MACROD2: variants seen among roughly 807,000 people sequenced by gnomAD.
The protein encoded by MACROD2 is ADP-ribose glycohydrolase MACROD2.
A neutral mutation model predicts 70.4 loss-of-function variants in MACROD2; 36 were observed. That is an observed-to-expected ratio of 0.51 (90% CI 0.39 to 0.68). MACROD2 has a LOEUF of 0.68. MACROD2 is among the 30% of genes least tolerant of loss of function. The pLI is 0.00. For missense variants in MACROD2, 496 were observed against 538.4 expected, an observed-to-expected ratio of 0.92 and a Z score of 0.78; for synonymous variants, 172 against 178.8, an observed-to-expected ratio of 0.96 and a Z score of 0.30.
At chr20:15,674,836 T>G (rs1347018157) in intron 8 of MACROD2, among the ~76,000 whole-genome samples, 1 of 152,162 alleles carries the variant, frequency 6.6e-6, no homozygotes, top group Non-Finnish European at 1.5e-5. Context: ...ATGTATGCAT[T>G]ATTTTTCTCC....
At chr20:15,306,499 A>G (rs1380437467) in intron 6 of MACROD2, among the ~76,000 whole-genome samples, 1 of 152,174 alleles carries the variant, frequency 6.6e-6, no homozygotes, top group Non-Finnish European at 1.5e-5. Flanking sequence ...TGCCCAAAGT[A>G]TCATAGGTGT....
intron 16 of MACROD2, among the ~76,000 whole-genome samples, chr20:16,041,717 T>C (rs1369972921): frequency 2.6e-5 from 4 of 152,014 alleles, no homozygotes; most frequent in Non-Finnish European, 5.9e-5. Flanking sequence ...TTCACTCCAC[T>C]GTATCACATC....
chr20:14,974,979 C>T (rs988190775), intron 5 of MACROD2, among the ~76,000 whole-genome samples: 6 of 152,094 alleles, frequency 3.9e-5, no homozygotes, highest in African/African-American at 4.8e-5. Context: ...AGTTACTTTA[C>T]CTTGGCACTA....
chr20:14,583,544 A>G (rs534957720), intron 4 of MACROD2, among the ~76,000 whole-genome samples: 2 of 152,222 alleles, frequency 1.3e-5, no homozygotes, highest in African/African-American at 4.8e-5. Flanking sequence ...CTCCCAAATA[A>G]ACAACTGATG....
chr20:14,579,127 CTTTTTT>C (rs71190141), intron 4 of MACROD2, among the ~76,000 whole-genome samples: 1 of 74,352 alleles, frequency 1.3e-5, no homozygotes, highest in African/African-American at 5.5e-5. Flanking sequence ...GTATCCAATT[CTTTTTT>C]TTTTTTTTTT....
intron 3 of MACROD2, among the ~76,000 whole-genome samples, chr20:14,409,745 A>C (rs1459452890): frequency 2.0e-5 from 3 of 152,124 alleles, no homozygotes; most frequent in Non-Finnish European, 4.4e-5. Context: ...ATGGCTATAA[A>C]CGTGAGGCTT....
intron 5 of MACROD2, among the ~76,000 whole-genome samples, chr20:15,153,076 C>T (rs1282197024): frequency 2.0e-5 from 3 of 152,044 alleles, no homozygotes; most frequent in Admixed American, 2.0e-4. Context: ...GGATCTTTCT[C>T]ATGGAGCAAA....
At chr20:14,335,433 T>C (rs2082918791) in intron 3 of MACROD2, among the ~76,000 whole-genome samples, 1 of 152,224 alleles carries the variant, frequency 6.6e-6, no homozygotes, top group Non-Finnish European at 1.5e-5. Flanking sequence ...TTTGATAGAA[T>C]TGTAGGCTCC....
chr20:15,885,089 G>A lies in MACROD2; in HGVS notation c.728-675G>A, dbSNP rs76924996. ...GGGGGATACAGATATTCAGAACATA[G>A]CACTGGTTGTGGGGAGCATAAGGAG... On this transcript the variant is annotated intron_variant, in intron 9 of 17. Transcript: ENST00000684519. Among the ~76,000 whole-genome samples, 349 of 152,212 alleles carry A rather than the reference G, an allele frequency of 2.3e-3. 2 individuals carry two copies. Among genetic ancestry groups the A allele is most frequent in the African/African-American group, 7.9e-3 (329 of 41,546 alleles).
intron 8 of MACROD2, among the ~76,000 whole-genome samples, chr20:15,644,125 A>G (rs1042363063): frequency 1.3e-5 from 2 of 152,090 alleles, no homozygotes; most frequent in African/African-American, 2.4e-5. Context: ...CTTGTTCCTA[A>G]GAAGGAAAGG....
chr20:15,069,748 G>A (rs751942389), intron 5 of MACROD2, among the ~76,000 whole-genome samples: 3 of 152,250 alleles, frequency 2.0e-5, no homozygotes, highest in Non-Finnish European at 4.4e-5. Flanking sequence ...AGGCTTGGTA[G>A]CTTCCACCTA....
intron 4 of MACROD2, among the ~76,000 whole-genome samples, chr20:14,590,528 C>A (rs1424270533): frequency 6.6e-6 from 1 of 152,022 alleles, no homozygotes; most frequent in Non-Finnish European, 1.5e-5. Flanking sequence ...AAACAGATAC[C>A]TTCAGAAAAG....
intron 7 of MACROD2, among the ~76,000 whole-genome samples, chr20:15,440,453 T>C (rs892507355): frequency 2.0e-5 from 3 of 152,196 alleles, no homozygotes; most frequent in Non-Finnish European, 2.9e-5. Flanking sequence ...AACTTTCTAA[T>C]TGAATCCCTC....
intron 8 of MACROD2, among the ~76,000 whole-genome samples, chr20:15,755,217 A>G (rs1254970957): frequency 6.6e-6 from 1 of 152,190 alleles, no homozygotes; most frequent in South Asian, 2.1e-4. Context: ...GTTGGGAGCC[A>G]TGCTTTGGGA....
At chr20:15,142,616 C>T (rs986656373) in intron 5 of MACROD2, among the ~76,000 whole-genome samples, 6 of 151,954 alleles carry the variant, frequency 3.9e-5, no homozygotes, top group East Asian at 1.9e-4. Flanking sequence ...CACCCATTAA[C>T]TCGTCATTTA....
At chr20:15,746,303 T>A (rs2051182022) in intron 8 of MACROD2, among the ~76,000 whole-genome samples, 1 of 151,998 alleles carries the variant, frequency 6.6e-6, no homozygotes. Context: ...TTAATCTAAT[T>A]TTCTAAATAT....
intron 5 of MACROD2, among the ~76,000 whole-genome samples, chr20:15,162,811 T>C (rs1410220164): frequency 6.6e-6 from 1 of 152,070 alleles, no homozygotes; most frequent in Non-Finnish European, 1.5e-5. Flanking sequence ...CTTCCTAATA[T>C]AGCATGCATT....
Position 15,880,794 on chromosome 20 carries a change from G to A in MACROD2, c.728-4970G>A, listed in dbSNP as rs550799622. 2.6e-5 allele frequency among the ~76,000 whole-genome samples: 4 copies of A among 152,144 alleles called. No homozygotes were observed. The East Asian group carries it at 7.8e-4, about 30-fold the overall frequency. ...CCAGGAGCTGGTGGCTCAAAGGCAG[G>A]CTGGCATGCACTGAATTGTCAAGGA... On this transcript the variant is annotated intron_variant, in intron 9 of 17. Transcript: ENST00000684519.
At chr20:15,376,451 C>A (rs1600316091) in intron 6 of MACROD2, among the ~76,000 whole-genome samples, 1 of 152,150 alleles carries the variant, frequency 6.6e-6, no homozygotes, top group Middle Eastern at 3.4e-3. Flanking sequence ...GTTGTATTTA[C>A]CGCTGGAAAA....
Sources: gnomAD v4.1 joint callset for allele counts (sites outside exome capture counted in the v4.1 genomes callset) on GRCh38, gnomAD v4.1.1 for gene constraint, MANE v1.5 for transcripts, NCBI Gene and HGNC (gene_info 2026-07-23, HGNC 2026-07-21) for gene names.